SERPINB8: variants seen among roughly 807,000 people sequenced by gnomAD.
The protein encoded by SERPINB8 is serpin B8.
In SERPINB8, 25 loss-of-function variants were observed where a neutral mutation model predicts 35.3. The observed-to-expected ratio is 0.71, with a 90% CI of 0.52 to 0.99. The LOEUF is 0.99. Ranked by LOEUF, SERPINB8 falls within the 50% of genes least tolerant of loss-of-function variation. The pLI is 0.00. For synonymous variants in SERPINB8, 186 were observed against 160.8 expected (o/e 1.16, Z -1.19); for missense variants, 484 against 446.5 (o/e 1.08, Z -0.76).
At chr18:63,977,845 GAAGTCCT>G (rs2050606889) in intron 1 of SERPINB8, among the ~76,000 whole-genome samples, 2 of 152,166 alleles carry the variant, frequency 1.3e-5, no homozygotes, top group African/African-American at 4.8e-5. Flanking sequence ...TATGGTTCTG[GAAGTCCT>G]AAGTCCAAAA....
intron 1 of SERPINB8, chr18:63,970,486 A>C (rs573671288): frequency 3.7e-4 from 57 of 152,732 alleles, no homozygotes; most frequent in Middle Eastern, 3.3e-3. Context: ...CTGCCCCTGG[A>C]GAGGGAGCGT....
chr18:63,991,586 A>G (rs2050825213), downstream of SERPINB8, among the ~76,000 whole-genome samples: 1 of 152,164 alleles, frequency 6.6e-6, no homozygotes, highest in African/African-American at 2.4e-5. Flanking sequence ...AACTTGCTAA[A>G]ATCACTTAGT....
intron 4 of SERPINB8, 36 bp from the exon 5 acceptor site, chr18:63,983,543 C>A (rs1599146248): frequency 6.2e-7 from 1 of 1,602,296 alleles, no homozygotes; most frequent in Non-Finnish European, 8.5e-7. Flanking sequence ...TGCTTATTTC[C>A]CCACAAATTG....
At chr18:63,992,013 T>A (rs1261335155), downstream of SERPINB8, among the ~76,000 whole-genome samples, 4 of 152,224 alleles carry the variant, frequency 2.6e-5, no homozygotes, top group South Asian at 6.2e-4. Flanking sequence ...ATTTCCTATT[T>A]TGTCTAGTAT....
In SERPINB8 at chr18:63,986,354, C is replaced by T. The variant is rs141122685; in HGVS notation, c.721-520C>T. 343 of 1,592,770 alleles carry T rather than the reference C, an allele frequency of 2.2e-4. 2 individuals carry two copies. The Middle Eastern group carries it at 2.2e-3, about 10-fold the overall frequency. On this transcript the variant is annotated intron_variant, in intron 6 of 6. Transcript: ENST00000397985. ...AAGTCTTCTTGCATTCCCCATTTCT[C>T]GTCTCATGCTCCCTTCTCATGCCTC...
chr18:63,970,560 C>G (rs1168690323), intron 1 of SERPINB8: 1 of 152,600 alleles, frequency 6.6e-6, no homozygotes, highest in Non-Finnish European at 1.5e-5. Flanking sequence ...GGGGGTGACG[C>G]GAGCAGTGAG....
At chr18:63,971,747 G>A (rs1040206816) in intron 1 of SERPINB8, among the ~76,000 whole-genome samples, 1 of 152,174 alleles carries the variant, frequency 6.6e-6, no homozygotes, top group Non-Finnish European at 1.5e-5. Context: ...CATATGAGAC[G>A]TTTGTTTAAA....
chr18:64,005,358 C>A (rs1055929557), exon 2 of SERPINB8: 1 of 152,284 alleles, frequency 6.6e-6, no homozygotes, highest in African/African-American at 2.4e-5. Context: ...GTCCTATAAC[C>A]TGAATGCCGT....
At chr18:63,975,112 T>TACACACAC in intron 1 of SERPINB8, among the ~76,000 whole-genome samples, 1 of 147,472 alleles carries the variant, frequency 6.8e-6, no homozygotes, top group South Asian at 2.2e-4. Flanking sequence ...TAAACACACC[T>TACACACAC]ACACACACAC....
At chr18:64,003,267 A>G (rs2050884603) in intron 1 of SERPINB8, among the ~76,000 whole-genome samples, 2 of 151,966 alleles carry the variant, frequency 1.3e-5, no homozygotes, top group African/African-American at 4.8e-5. Context: ...CTGGTAGAGG[A>G]GCTGCCAATC....
chr18:63,983,495 C>A lies in SERPINB8; in HGVS notation c.425-84C>A, dbSNP rs1427138102. 6.0e-6 allele frequency: 8 copies of A among 1,334,400 alleles called. No homozygotes were observed. The East Asian group carries it at 1.8e-4, about 31-fold the overall frequency. The allele number at this position is 1,334,400 out of a possible 1,614,324, so 82.7% of individuals were successfully genotyped here. ...AACTCCAGCCTGTCTCTCAACCAAG[C>A]CTCTGCCTTATGTGTCAAAGGGATT... On this transcript the variant is annotated intron_variant, in intron 4 of 6. Coordinates refer to ENST00000397985, the MANE Select transcript of SERPINB8 (RefSeq NM_002640.4).
chr18:63,985,320 G>A, intron 6 of SERPINB8, 75 bp downstream of exon 6: 6 of 1,531,786 alleles, frequency 3.9e-6, no homozygotes, highest in Non-Finnish European at 5.3e-6. Context: ...TCTACCAATT[G>A]GCATTTGAGG....
intron 2 of SERPINB8, among the ~76,000 whole-genome samples, chr18:63,979,342 C>T (rs890132985): frequency 6.6e-6 from 1 of 152,116 alleles, no homozygotes; most frequent in African/African-American, 2.4e-5. Flanking sequence ...TTGTATTACC[C>T]GAGTTGTAAT....
At chr18:64,018,720 A>G (rs2050961839) in intron 7 of SERPINB8, among the ~76,000 whole-genome samples, 1 of 152,006 alleles carries the variant, frequency 6.6e-6, no homozygotes, top group African/African-American at 2.4e-5. Context: ...CAGGGAAAAC[A>G]TCTATGAATT....
intron 7 of SERPINB8, among the ~76,000 whole-genome samples, chr18:64,015,964 C>T (rs1465103014): frequency 1.3e-5 from 2 of 152,214 alleles, no homozygotes; most frequent in South Asian, 2.1e-4. Flanking sequence ...TTGGAGGAAA[C>T]GCCTGCCACA....
chr18:63,997,461 T>A (rs1198242432), intron 1 of SERPINB8, among the ~76,000 whole-genome samples: 2 of 152,200 alleles, frequency 1.3e-5, no homozygotes, highest in South Asian at 2.1e-4. Flanking sequence ...CTGCCTTCAC[T>A]TGGCCAATGG....
At chr18:64,003,519 A>ATGTGTGTGTG (rs61161137) in intron 1 of SERPINB8, among the ~76,000 whole-genome samples, 197 of 148,164 alleles carry the variant, frequency 1.3e-3, no homozygotes, top group African/African-American at 4.7e-3. Context: ...TGAGGGACAA[A>ATGTGTGTGTG]TGTGTGTGTG....
At chr18:63,999,789 C>T (rs1006223071) in intron 1 of SERPINB8, among the ~76,000 whole-genome samples, 4 of 152,096 alleles carry the variant, frequency 2.6e-5, no homozygotes, top group Non-Finnish European at 4.4e-5. Flanking sequence ...CATGTTGCAC[C>T]AGGCTGAGTA....
rs1157885355 is a variant in SERPINB8, at chr18:63,983,658, G to A, written c.504G>A (p.Lys168=). Residue 168 remains lysine, a synonymous_variant, in exon 5 of 7, where the codon AAG becomes AAA. Transcript: ENST00000397985. ...KLVLVNAIYF[K]GKWNEQFDRK... ...TCCTTGTGAATGCCATTTATTTCAA[G>A]GGAAAGTGGAATGAGCAATTTGACA... The A allele has an allele frequency of 6.2e-7, 1 of 1,614,004 alleles. No individual in the cohort carries two copies. Among genetic ancestry groups the A allele is most frequent in the African/African-American group, 1.3e-5 (1 of 75,024 alleles).
Sources: gnomAD v4.1 joint callset for allele counts (sites outside exome capture counted in the v4.1 genomes callset) on GRCh38, gnomAD v4.1.1 for gene constraint, MANE v1.5 for transcripts, NCBI Gene and HGNC (gene_info 2026-07-23, HGNC 2026-07-21) for gene names.